The following NAALADL2 variants were observed in gnomAD, a reference collection of about 807,000 sequenced individuals.
NAALADL2 encodes inactive N-acetylated-alpha-linked acidic dipeptidase-like protein 2.
NAALADL2 carries 76 observed loss-of-function variants against 87.2 expected under a neutral mutation model. The observed-to-expected ratio is 0.87, with a 90% CI of 0.72 to 1.05. The LOEUF is 1.05. Ranked by LOEUF, NAALADL2 falls within the 50% of genes least tolerant of loss-of-function variation. NAALADL2 has a pLI of 0.00. For synonymous variants in NAALADL2, 354 were observed against 331.0 expected (o/e 1.07, Z -0.75); for missense variants, 1,089 against 945.8 (o/e 1.15, Z -1.99).
At chr3:174,450,869 CAAAAA>C (rs761513802) in intron 1 of NAALADL2, among the ~76,000 whole-genome samples, 2 of 74,886 alleles carry the variant, frequency 2.7e-5, no homozygotes, top group Admixed American at 1.4e-4. Context: ...GACTCTGTCT[CAAAAA>C]AAAAAAAAAA....
intron 9 of NAALADL2, among the ~76,000 whole-genome samples, chr3:175,554,325 T>C (rs887701889): frequency 4.6e-5 from 7 of 152,176 alleles, no homozygotes; most frequent in African/African-American, 1.7e-4. Flanking sequence ...GGGAGCATTG[T>C]GGCAGGATTC....
intron 1 of NAALADL2, among the ~76,000 whole-genome samples, chr3:174,882,272 C>T (rs959468201): frequency 1.3e-5 from 2 of 151,782 alleles, no homozygotes; most frequent in African/African-American, 4.8e-5. Flanking sequence ...AGGTTTTAGT[C>T]ACTAATTATA....
intron 9 of NAALADL2, among the ~76,000 whole-genome samples, chr3:175,508,829 C>T (rs979872633): frequency 1.4e-5 from 2 of 147,342 alleles, no homozygotes; most frequent in Non-Finnish European, 3.0e-5. Flanking sequence ...TCTTTAAGAT[C>T]AGAGGACTAT....
intron 1 of NAALADL2, among the ~76,000 whole-genome samples, chr3:175,004,801 A>G (rs1748797000): frequency 6.6e-6 from 1 of 152,100 alleles, no homozygotes; most frequent in Non-Finnish European, 1.5e-5. Context: ...TATATGAAAC[A>G]TAAATGCAGT....
At chr3:174,569,230 A>G (rs1247264985) in intron 2 of NAALADL2, among the ~76,000 whole-genome samples, 1 of 152,000 alleles carries the variant, frequency 6.6e-6, no homozygotes, top group African/African-American at 2.4e-5. Context: ...ACGTTTGTAT[A>G]TCATTTTCTA....
At chr3:174,837,065 A>G (rs1293483397) in intron 3 of NAALADL2, among the ~76,000 whole-genome samples, 2 of 152,122 alleles carry the variant, frequency 1.3e-5, no homozygotes, top group East Asian at 3.9e-4. Context: ...AACACAGACA[A>G]TCTAAGGTCA....
intron 3 of NAALADL2, among the ~76,000 whole-genome samples, chr3:174,854,243 C>T (rs1725598768): frequency 1.3e-5 from 2 of 152,036 alleles, no homozygotes; most frequent in South Asian, 4.1e-4. Context: ...ATGGATGGAA[C>T]TGGAGGCAAT....
intron 5 of NAALADL2, among the ~76,000 whole-genome samples, chr3:175,339,829 A>G (rs1434028112): frequency 6.6e-6 from 1 of 152,174 alleles, no homozygotes; most frequent in Non-Finnish European, 1.5e-5. Flanking sequence ...GTAAAATATA[A>G]TTCTGGGGAT....
chr3:175,304,336 T>G (rs2110246754), intron 4 of NAALADL2, among the ~76,000 whole-genome samples: 1 of 152,308 alleles, frequency 6.6e-6, no homozygotes, highest in Admixed American at 6.5e-5. Context: ...CCCTTCTTTC[T>G]TTTCCATTAT....
chr3:174,485,719 T>A lies in NAALADL2; in HGVS notation c.-184+44687T>A, dbSNP rs138210300. Among the ~76,000 whole-genome samples the A allele has an allele frequency of 4.2e-3, 643 of 152,124 alleles. 6 individuals are homozygous for A. The highest frequency in any genetic ancestry group is 0.015 in the African/African-American group (616 of 41,540). ...ACCATTGGTGGTCACTTATTTTGAT[T>A]CTATGTCTTTTGCTATTGTGAATAG... On this transcript the variant is annotated intron_variant, in intron 1 of 3. Coordinates refer to the NAALADL2 transcript ENST00000434257.
chr3:175,378,051 G>A (rs1440113272), intron 5 of NAALADL2, among the ~76,000 whole-genome samples: 2 of 152,314 alleles, frequency 1.3e-5, no homozygotes, highest in African/African-American at 4.8e-5. Flanking sequence ...CCTCTGAGCT[G>A]TTAACACTTA....
chr3:174,786,035 C>G (rs886119472), intron 3 of NAALADL2, among the ~76,000 whole-genome samples: 6 of 152,146 alleles, frequency 3.9e-5, no homozygotes, highest in African/African-American at 1.4e-4. Context: ...TTTATACCAA[C>G]TTTTAGTTAG....
At chr3:175,706,752 T>G (rs1007237451) in intron 11 of NAALADL2, among the ~76,000 whole-genome samples, 1 of 152,080 alleles carries the variant, frequency 6.6e-6, no homozygotes, top group Non-Finnish European at 1.5e-5. Context: ...CTAGAAAACG[T>G]CAAGGTTTGA....
At chr3:174,706,250 T>A (rs1282697110) in intron 2 of NAALADL2, among the ~76,000 whole-genome samples, 1 of 152,150 alleles carries the variant, frequency 6.6e-6, no homozygotes, top group African/African-American at 2.4e-5. Context: ...TAAATATCCA[T>A]GTGCAGAAGA....
intron 1 of NAALADL2, among the ~76,000 whole-genome samples, chr3:174,514,189 G>T (rs1014484865): frequency 6.6e-6 from 1 of 151,944 alleles, no homozygotes; most frequent in South Asian, 2.1e-4. Flanking sequence ...CAGTACCTTT[G>T]TAAAAATGAT....
intron 9 of NAALADL2, among the ~76,000 whole-genome samples, chr3:175,494,822 A>G (rs990327227): frequency 6.6e-6 from 1 of 151,960 alleles, no homozygotes; most frequent in Non-Finnish European, 1.5e-5. Context: ...TTTAAGTACA[A>G]TATCTTTTTA....
Position 175,742,559 on chromosome 3 carries a change from G to A in NAALADL2, c.1990+5160G>A, listed in dbSNP as rs369991086. Among the ~76,000 whole-genome samples the A allele has an allele frequency of 8.6e-3, 1,307 of 151,440 alleles. 18 individuals are homozygous for A. The highest frequency in any genetic ancestry group is 0.03 in the African/African-American group (1,213 of 41,024). On this transcript the variant is annotated intron_variant, in intron 12 of 13. Coordinates refer to ENST00000454872, the MANE Select transcript of NAALADL2 (RefSeq NM_207015.3). ...ACTACAGGCGCCCACCACCACACCCGGCTAATTTTTTGTATTTTTAGTAGA... is the reference window on the plus strand; with the variant it reads ...ACTACAGGCGCCCACCACCACACCCAGCTAATTTTTTGTATTTTTAGTAGA...
At chr3:174,503,492 A>T (rs934785127) in intron 1 of NAALADL2, among the ~76,000 whole-genome samples, 1 of 152,166 alleles carries the variant, frequency 6.6e-6, no homozygotes, top group Non-Finnish European at 1.5e-5. Flanking sequence ...ATCTGACTTA[A>T]TGTACTTTAC....
intron 1 of NAALADL2, among the ~76,000 whole-genome samples, chr3:175,009,451 G>T (rs1749492846): frequency 6.6e-6 from 1 of 152,056 alleles, no homozygotes; most frequent in African/African-American, 2.4e-5. Context: ...GTAAAAACAG[G>T]GACCAAGTGA....
Sources: gnomAD v4.1 joint callset for allele counts (sites outside exome capture counted in the v4.1 genomes callset) on GRCh38, gnomAD v4.1.1 for gene constraint, MANE v1.5 for transcripts, NCBI Gene and HGNC (gene_info 2026-07-23, HGNC 2026-07-21) for gene names.